Variants in YAP1 observed in about 807,000 individuals in gnomAD.
YAP1 encodes the protein Yes1 associated transcriptional regulator.
Under a neutral mutation model 56.9 loss-of-function variants are expected in YAP1, and 5 were observed. That is an observed-to-expected ratio of 0.09 (90% CI 0.05 to 0.18). YAP1 has a LOEUF of 0.18. Ranked by LOEUF, YAP1 falls within the 10% of genes least tolerant of loss-of-function variation. The probability of loss-of-function intolerance (pLI) is 1.00; values close to 1 mark genes in which losing one functional copy is unlikely to be tolerated. For missense variants in YAP1, 539 were observed against 651.8 expected, an observed-to-expected ratio of 0.83 and a Z score of 1.88; for synonymous variants, 265 against 248.1, an observed-to-expected ratio of 1.07 and a Z score of -0.64.
intron 2 of YAP1, among the ~76,000 whole-genome samples, chr11:102,133,323 T>A (rs1199079982): frequency 1.3e-5 from 2 of 152,000 alleles, no homozygotes; most frequent in Non-Finnish European, 2.9e-5. Flanking sequence ...TGGGACAGAG[T>A]CTCACTCTGC....
Position 102,122,996 on chromosome 11 carries a change from CCTT to C in YAP1, c.572+8605_572+8607del, listed in dbSNP as rs572970052. Among the ~76,000 whole-genome samples the C allele has an allele frequency of 1.6e-4, 24 of 151,776 alleles. No homozygotes were observed. In the East Asian group the frequency reaches 4.2e-3, roughly 27 times the overall value. Reference sequence around the variant, plus strand: ...TCTTCAGAGGCAAGCACTTTCCACTCCTTCTAGGTGTTTTTTCCGCTGGTACTT... The same window carrying C: ...TCTTCAGAGGCAAGCACTTTCCACTCCTAGGTGTTTTTTCCGCTGGTACTT... On this transcript the variant is annotated intron_variant, in intron 2 of 8. Coordinates refer to ENST00000282441, the MANE Select transcript of YAP1 (RefSeq NM_001130145.3).
chr11:102,163,827 C>T (rs988012334), intron 3 of YAP1, among the ~76,000 whole-genome samples: 39 of 152,254 alleles, frequency 2.6e-4, no homozygotes, highest in Admixed American at 9.8e-4. Flanking sequence ...TCTGCTGTTA[C>T]ATACCTCTGC....
At chr11:102,144,810 C>T (rs947174989) in intron 2 of YAP1, among the ~76,000 whole-genome samples, 13 of 151,800 alleles carry the variant, frequency 8.6e-5, no homozygotes, top group South Asian at 6.2e-4. Context: ...AAAAACGTGT[C>T]GATGTAGTTA....
intron 2 of YAP1, among the ~76,000 whole-genome samples, chr11:102,123,537 CT>C (rs2135178460): frequency 6.6e-6 from 1 of 152,046 alleles, no homozygotes. Context: ...GTCTCTAAAA[CT>C]ATCTTTCTCT....
chr11:102,118,771 A>G (rs955739942), intron 2 of YAP1, among the ~76,000 whole-genome samples: 2 of 151,704 alleles, frequency 1.3e-5, no homozygotes, highest in Admixed American at 6.6e-5. Context: ...AAGACTATGA[A>G]CATATACAGT....
chr11:102,165,087 A>G (rs1356647352), intron 3 of YAP1, among the ~76,000 whole-genome samples: 1 of 152,082 alleles, frequency 6.6e-6, no homozygotes, highest in Non-Finnish European at 1.5e-5. Context: ...GGGCAGGTAC[A>G]GTGGCTCACA....
At chr11:102,180,209 A>C (rs1947507167) in intron 3 of YAP1, among the ~76,000 whole-genome samples, 1 of 151,614 alleles carries the variant, frequency 6.6e-6, no homozygotes, top group Non-Finnish European at 1.5e-5. Flanking sequence ...GGGTTTCACC[A>C]TGTCACCATG....
In YAP1 at chr11:102,231,877, T is replaced by C. The variant is rs1950445782; in HGVS notation, c.*1937T>C. 6.6e-6 allele frequency: 1 copy of C among 152,548 alleles called. No homozygotes were observed. The highest frequency in any genetic ancestry group is 2.4e-5 in the African/African-American group (1 of 41,432). The allele number at this position is 152,548 out of a possible 1,614,324, so 9.4% of individuals were successfully genotyped here. ...AATCTAAGTATTTTGGCCCTTCAAT[T>C]TGGAGGAGGGCAAAAGTTGGAAGTA... On this transcript the variant is annotated 3_prime_UTR_variant, in exon 9 of 9. Transcript: ENST00000282441.
At chr11:102,125,241 C>T (rs1193356938) in intron 2 of YAP1, among the ~76,000 whole-genome samples, 5 of 151,434 alleles carry the variant, frequency 3.3e-5, no homozygotes, top group East Asian at 3.9e-4. Flanking sequence ...AGGCTGGTGT[C>T]GAACTCCTGG....
At chr11:102,134,909 A>G (rs1300416618) in intron 2 of YAP1, among the ~76,000 whole-genome samples, 1 of 151,444 alleles carries the variant, frequency 6.6e-6, no homozygotes, top group Non-Finnish European at 1.5e-5. Flanking sequence ...ATGGAGTTTC[A>G]CTATTTTTGC....
intron 4 of YAP1, among the ~76,000 whole-genome samples, chr11:102,188,169 A>G (rs1362191466): frequency 6.6e-6 from 1 of 152,270 alleles, no homozygotes; most frequent in African/African-American, 2.4e-5. Flanking sequence ...CCAAAGAAAT[A>G]TAAACTATCC....
At chr11:102,125,895 C>T (rs1013683486) in intron 2 of YAP1, among the ~76,000 whole-genome samples, 23 of 151,980 alleles carry the variant, frequency 1.5e-4, no homozygotes, top group African/African-American at 5.6e-4. Context: ...GTTGCAGGGA[C>T]CCCTGAATGC....
intron 8 of YAP1, among the ~76,000 whole-genome samples, chr11:102,228,162 C>A (rs552171541): frequency 6.6e-6 from 1 of 152,188 alleles, no homozygotes; most frequent in African/African-American, 2.4e-5. Context: ...AAACTGACAA[C>A]CCTGTTAGAA....
At chr11:102,205,844 T>G in intron 4 of YAP1, 49 bp from the exon 5 acceptor site, 1 of 1,442,366 alleles carries the variant, frequency 6.9e-7, no homozygotes, top group Non-Finnish European at 9.2e-7. Flanking sequence ...TCATTTTATC[T>G]TCCTTCACTA....
At position 102,223,723 on chromosome 11, in the gene YAP1, G is replaced by A. The variant is rs750840799; in HGVS notation, c.1134G>A (p.Thr378=). ...PGMSQELRTM[T]TNSSDPFLNS... ...TGTCTCAGGAATTGAGAACAATGACGACCAATAGCTCAGATCCTTTCCTTA... is the reference window on the plus strand; with the variant it reads ...TGTCTCAGGAATTGAGAACAATGACAACCAATAGCTCAGATCCTTTCCTTA... The change falls in exon 7 of 9, where the codon ACG becomes ACA. Residue 378 remains threonine (T), a synonymous_variant. Coordinates refer to ENST00000282441, the MANE Select transcript of YAP1 (RefSeq NM_001130145.3). 6.2e-6 allele frequency: 10 copies of A among 1,613,938 alleles called. No homozygotes were observed. In the African/African-American group the frequency reaches 9.3e-5, roughly 15 times the overall value.
chr11:102,165,662 T>C (rs1273870601), intron 3 of YAP1, among the ~76,000 whole-genome samples: 2 of 152,112 alleles, frequency 1.3e-5, no homozygotes, highest in Non-Finnish European at 2.9e-5. Context: ...ACAATAATAA[T>C]AGTATAATAA....
rs746268834 is a variant in YAP1 at position 102,114,137 on chromosome 11, C to T, written c.322-7C>T. 7 of 1,588,328 alleles carry T rather than the reference C, an allele frequency of 4.4e-6. No individual in the cohort carries two copies. The East Asian group carries it at 1.1e-4, about 26-fold the overall frequency. ...TTTTAATTTTTCATCTTAATATTCCCTAATAGGCCAGTACTGATGCAGGCA... is the reference window on the plus strand; with the variant it reads ...TTTTAATTTTTCATCTTAATATTCCTTAATAGGCCAGTACTGATGCAGGCA... On this transcript the variant is annotated splice_region_variant and splice_polypyrimidine_tract_variant and intron_variant, in intron 1 of 8. Transcript: ENST00000282441.
At chr11:102,151,072 C>G (rs1444524140) in intron 2 of YAP1, among the ~76,000 whole-genome samples, 1 of 151,938 alleles carries the variant, frequency 6.6e-6, no homozygotes, top group Non-Finnish European at 1.5e-5. Context: ...CCGTGATTTG[C>G]CCACCTCAGC....
intron 3 of YAP1, among the ~76,000 whole-genome samples, chr11:102,175,083 G>T (rs905517660): frequency 1.3e-5 from 2 of 152,128 alleles, no homozygotes; most frequent in African/African-American, 4.8e-5. Flanking sequence ...GGGTGGGCAG[G>T]ATGGATTAGC....
Sources: gnomAD v4.1 joint callset for allele counts (sites outside exome capture counted in the v4.1 genomes callset) on GRCh38, gnomAD v4.1.1 for gene constraint, MANE v1.5 for transcripts, NCBI Gene and HGNC (gene_info 2026-07-23, HGNC 2026-07-21) for gene names.